The following KCNH8 variants were observed in gnomAD, a reference collection of about 807,000 sequenced individuals.
KCNH8 encodes the protein voltage-gated delayed rectifier potassium channel KCNH8.
A neutral mutation model predicts 103.6 loss-of-function variants in KCNH8; 70 were observed. The observed-to-expected ratio is 0.68, with a 90% CI of 0.56 to 0.82. KCNH8 has a LOEUF of 0.82. Among genes scored for constraint, KCNH8 ranks in the 40% least tolerant of loss-of-function variants. KCNH8 has a pLI of 0.00. For missense variants in KCNH8, 1,217 were observed against 1,329.9 expected (o/e 0.92, Z 1.32); for synonymous variants, 498 against 489.4 (o/e 1.02, Z -0.23).
At chr3:19,530,991 C>G (rs1472710283) in intron 15 of KCNH8, among the ~76,000 whole-genome samples, 3 of 152,152 alleles carry the variant, frequency 2.0e-5, no homozygotes, top group African/African-American at 7.2e-5. Context: ...GAAAGTGTAC[C>G]TGAAAGCACA....
At chr3:19,167,744 C>A (rs1317035944) in intron 1 of KCNH8, among the ~76,000 whole-genome samples, 2 of 152,148 alleles carry the variant, frequency 1.3e-5, no homozygotes, top group Non-Finnish European at 2.9e-5. Context: ...ATTACAGATG[C>A]CCTGCGTCCA....
chr3:19,206,168 G>GTGTATATATATA (rs979868166), intron 1 of KCNH8, among the ~76,000 whole-genome samples: 1 of 139,262 alleles, frequency 7.2e-6, no homozygotes, highest in African/African-American at 2.9e-5. Flanking sequence ...TGGTGTGTGT[G>GTGTATATATATA]TATATATATA....
intron 9 of KCNH8, 30 bp from the exon 10 acceptor site, chr3:19,451,125 T>C: frequency 1.9e-6 from 3 of 1,611,342 alleles, no homozygotes; most frequent in Non-Finnish European, 2.5e-6. Flanking sequence ...CTTACCCCAA[T>C]TTGATTTCCT....
intron 5 of KCNH8, among the ~76,000 whole-genome samples, chr3:19,350,940 C>T (rs376735066): frequency 5.9e-5 from 9 of 152,108 alleles, no homozygotes; most frequent in African/African-American, 2.2e-4. Flanking sequence ...CATCTCCAAG[C>T]TAAAGGAGGA....
At chr3:19,492,722 G>T (rs60546560) in intron 11 of KCNH8, among the ~76,000 whole-genome samples, 1 of 152,032 alleles carries the variant, frequency 6.6e-6, no homozygotes, top group Non-Finnish European at 1.5e-5. Flanking sequence ...TTTGAAGAAT[G>T]ATATTGGTAG....
At chr3:19,370,585 A>G (rs561799851) in intron 5 of KCNH8, among the ~76,000 whole-genome samples, 2 of 152,174 alleles carry the variant, frequency 1.3e-5, no homozygotes, top group African/African-American at 4.8e-5. Context: ...TAAAGAATAA[A>G]ATACAAAGAC....
chr3:19,247,431 A>T (rs1255485096), intron 1 of KCNH8, among the ~76,000 whole-genome samples: 1 of 152,218 alleles, frequency 6.6e-6, no homozygotes, highest in African/African-American at 2.4e-5. Context: ...TCCAGAAATG[A>T]CTGTGTTCAA....
chr3:19,298,525 A>G (rs2065023437), intron 3 of KCNH8, among the ~76,000 whole-genome samples: 1 of 152,222 alleles, frequency 6.6e-6, no homozygotes, highest in Non-Finnish European at 1.5e-5. Flanking sequence ...TGAAAGTAAA[A>G]ATCATGTGAT....
At chr3:19,314,808 AT>A (rs2065252653) in intron 3 of KCNH8, 1 of 154,198 alleles carries the variant, frequency 6.5e-6, no homozygotes. Context: ...ATCATTCCAT[AT>A]TGAAAATAGC....
intron 7 of KCNH8, among the ~76,000 whole-genome samples, chr3:19,416,084 A>G (rs1241017610): frequency 6.6e-6 from 1 of 152,064 alleles, no homozygotes; most frequent in African/African-American, 2.4e-5. Context: ...AAAATTTTTA[A>G]ATTATCATCT....
intron 11 of KCNH8, among the ~76,000 whole-genome samples, chr3:19,467,639 C>T (rs2067769802): frequency 6.6e-6 from 1 of 152,118 alleles, no homozygotes; most frequent in Admixed American, 6.6e-5. Flanking sequence ...TGAAACATAC[C>T]TACCTGACCA....
At chr3:19,370,610 A>G (rs1416137630) in intron 5 of KCNH8, among the ~76,000 whole-genome samples, 1 of 151,940 alleles carries the variant, frequency 6.6e-6, no homozygotes, top group East Asian at 1.9e-4. Context: ...TACATATTTT[A>G]TTTTATTTTT....
chr3:19,361,882 G>C (rs139271228), intron 5 of KCNH8, among the ~76,000 whole-genome samples: 1 of 151,988 alleles, frequency 6.6e-6, no homozygotes, highest in East Asian at 1.9e-4. Context: ...ACATAATTAG[G>C]GCAGGTATAT....
chr3:19,228,825 A>C (rs2063961812), intron 1 of KCNH8, among the ~76,000 whole-genome samples: 1 of 152,212 alleles, frequency 6.6e-6, no homozygotes, highest in South Asian at 2.1e-4. Flanking sequence ...AGAAAAAACA[A>C]ATATGTCTAC....
At chr3:19,435,436 A>G (rs1450495402) in intron 7 of KCNH8, among the ~76,000 whole-genome samples, 2 of 152,198 alleles carry the variant, frequency 1.3e-5, no homozygotes, top group Non-Finnish European at 2.9e-5. Flanking sequence ...GGGTTAGTAC[A>G]CGTAAATGAG....
At chr3:19,408,007 G>A (rs958743309) in intron 7 of KCNH8, among the ~76,000 whole-genome samples, 1 of 152,062 alleles carries the variant, frequency 6.6e-6, no homozygotes. Flanking sequence ...ACCCTTCATG[G>A]CTCCCACCCC....
chr3:19,517,816 A>C (rs2068900875), intron 14 of KCNH8, among the ~76,000 whole-genome samples, 182 bp from the exon 15 acceptor site: 1 of 152,032 alleles, frequency 6.6e-6, no homozygotes, highest in Non-Finnish European at 1.5e-5. Flanking sequence ...CAGAGAGTAT[A>C]TCTGGTGCCA....
At chr3:19,342,789 C>G in intron 4 of KCNH8, 75 bp downstream of exon 4, 1 of 1,393,434 alleles carries the variant, frequency 7.2e-7, no homozygotes, top group Non-Finnish European at 9.8e-7. Flanking sequence ...AAAGAAAGGC[C>G]TCAATTACCC....
intron 1 of KCNH8, among the ~76,000 whole-genome samples, chr3:19,149,604 C>T (rs890770553): frequency 1.3e-5 from 2 of 152,184 alleles, no homozygotes; most frequent in African/African-American, 4.8e-5. Flanking sequence ...GTCCCCACTC[C>T]TTCTCAGGCT....
Sources: gnomAD v4.1 joint callset for allele counts (sites outside exome capture counted in the v4.1 genomes callset) on GRCh38, gnomAD v4.1.1 for gene constraint, MANE v1.5 for transcripts, NCBI Gene and HGNC (gene_info 2026-07-23, HGNC 2026-07-21) for gene names.